USP13: variants seen among roughly 807,000 people sequenced by gnomAD.
The protein encoded by USP13 is ubiquitin specific peptidase 13.
A neutral mutation model predicts 107.8 loss-of-function variants in USP13; 68 were observed. That is an observed-to-expected ratio of 0.63 (90% CI 0.52 to 0.77). The LOEUF (loss-of-function observed/expected upper bound fraction) is 0.77. USP13 is among the 30% of genes least tolerant of loss of function. USP13 has a pLI of 0.00. For synonymous variants in USP13, 377 were observed against 389.5 expected (o/e 0.97, Z 0.38); for missense variants, 945 against 1,093.3 (o/e 0.86, Z 1.91).
At chr3:179,743,503 A>G (rs1714279732) in intron 12 of USP13, among the ~76,000 whole-genome samples, 1 of 151,872 alleles carries the variant, frequency 6.6e-6, no homozygotes, top group African/African-American at 2.4e-5. Context: ...AGTGATGATT[A>G]TGATGATTTA....
chr3:179,758,529 T>G (rs924342736), intron 16 of USP13, among the ~76,000 whole-genome samples: 2 of 151,914 alleles, frequency 1.3e-5, no homozygotes, highest in Non-Finnish European at 2.9e-5. Context: ...GACGGAGTCT[T>G]GCTCTATCAC....
intron 1 of USP13, among the ~76,000 whole-genome samples, chr3:179,669,157 CT>C (rs1182222830): frequency 6.6e-6 from 1 of 152,158 alleles, no homozygotes; most frequent in African/African-American, 2.4e-5. Flanking sequence ...GGCTAGTGCG[CT>C]CTATCCTAAA....
chr3:179,730,577 A>G (rs1381769260), intron 9 of USP13, 39 bp from the exon 10 acceptor site: 1 of 1,550,472 alleles, frequency 6.4e-7, no homozygotes, highest in Non-Finnish European at 8.9e-7. Flanking sequence ...TGGAAAAACA[A>G]CAATGACCTT....
intron 14 of USP13, among the ~76,000 whole-genome samples, chr3:179,754,281 A>G (rs1203202799): frequency 6.6e-6 from 1 of 152,226 alleles, no homozygotes. Flanking sequence ...ACATTGCACC[A>G]TTGTCTAGGG....
chr3:179,752,274 G>A lies in USP13; in HGVS notation c.1710-11G>A, dbSNP rs1419364997. On this transcript the variant is annotated splice_polypyrimidine_tract_variant and intron_variant, in intron 13 of 20. Transcript: ENST00000263966. ...CCTTGTTTCATTGATATATCCCCTTGTGTTTCCCAGAACATCTCGCTTTGC... is the reference window on the plus strand; with the variant it reads ...CCTTGTTTCATTGATATATCCCCTTATGTTTCCCAGAACATCTCGCTTTGC... 5.0e-6 allele frequency: 8 copies of A among 1,611,400 alleles called. No individual in the cohort carries two copies. Among genetic ancestry groups the A allele is most frequent in the Non-Finnish European group, 6.8e-6 (8 of 1,178,088 alleles).
intron 15 of USP13, among the ~76,000 whole-genome samples, 183 bp downstream of exon 15, chr3:179,755,037 A>G (rs919424746): frequency 6.6e-6 from 1 of 152,066 alleles, no homozygotes; most frequent in Admixed American, 6.5e-5. Flanking sequence ...AACATAAAAT[A>G]GACATTGTAA....
At chr3:179,764,301 A>G (rs1199270791) in intron 18 of USP13, 133 bp downstream of exon 18, 3 of 1,319,352 alleles carry the variant, frequency 2.3e-6, no homozygotes, top group Non-Finnish European at 2.9e-6. Flanking sequence ...GAATCTCATC[A>G]TAGCCCATAA....
chr3:179,699,975 T>C (rs1172359920), intron 3 of USP13, among the ~76,000 whole-genome samples: 3 of 152,020 alleles, frequency 2.0e-5, no homozygotes, highest in Non-Finnish European at 1.5e-5. Flanking sequence ...TGTGTGTTCA[T>C]GGGCCTGTTC....
intron 11 of USP13, among the ~76,000 whole-genome samples, chr3:179,740,641 T>A (rs1446354637): frequency 6.6e-6 from 1 of 152,214 alleles, no homozygotes; most frequent in Non-Finnish European, 1.5e-5. Flanking sequence ...AGTTATTCCA[T>A]TCACAATTTA....
At chr3:179,657,772 A>AAAAG (rs1318493011) in intron 1 of USP13, among the ~76,000 whole-genome samples, 1 of 149,914 alleles carries the variant, frequency 6.7e-6, no homozygotes, top group East Asian at 2.0e-4. Flanking sequence ...CAAAAAAAAA[A>AAAAG]AAAAAAAAAA....
chr3:179,707,099 G>C (rs1247384989), intron 5 of USP13, 23 bp downstream of exon 5: 5 of 1,607,134 alleles, frequency 3.1e-6, no homozygotes, highest in African/African-American at 2.7e-5. Flanking sequence ...TAGCAGAATG[G>C]AACTTTACTC....
intron 19 of USP13, among the ~76,000 whole-genome samples, chr3:179,770,900 C>G (rs550787253): frequency 6.6e-6 from 1 of 152,166 alleles, no homozygotes; most frequent in South Asian, 2.1e-4. Context: ...GCCACTGCAC[C>G]CAGCTGAGAA....
At chr3:179,673,160 A>G (rs1359884305) in intron 1 of USP13, among the ~76,000 whole-genome samples, 3 of 152,170 alleles carry the variant, frequency 2.0e-5, no homozygotes, top group African/African-American at 7.2e-5. Flanking sequence ...ATGCGTGGCC[A>G]TGAGTTTTAT....
At chr3:179,728,475 A>G (rs1228255675) in intron 8 of USP13, among the ~76,000 whole-genome samples, 21 of 148,228 alleles carry the variant, frequency 1.4e-4, no homozygotes, top group South Asian at 4.4e-4. Context: ...GCGGCCGGGC[A>G]GAGACGCTCC....
chr3:179,733,826 C>G (rs775403787), intron 10 of USP13, among the ~76,000 whole-genome samples: 3 of 152,186 alleles, frequency 2.0e-5, no homozygotes, highest in African/African-American at 7.2e-5. Context: ...TTCACTGATG[C>G]GGAAACGGAT....
intron 1 of USP13, among the ~76,000 whole-genome samples, chr3:179,657,751 G>A (rs1176521417): frequency 2.1e-5 from 2 of 94,954 alleles, no homozygotes; most frequent in Non-Finnish European, 3.8e-5. Context: ...TGACAGAGGG[G>A]AATTCCGTCT....
At chr3:179,773,633 CATTA>C (rs1194632803) in intron 19 of USP13, among the ~76,000 whole-genome samples, 34 of 152,164 alleles carry the variant, frequency 2.2e-4, no homozygotes, top group Non-Finnish European at 1.6e-4. Flanking sequence ...TTAAAAAACT[CATTA>C]ATTAATGAGA....
intron 19 of USP13, among the ~76,000 whole-genome samples, chr3:179,775,262 G>T (rs1005007754): frequency 1.3e-5 from 2 of 152,138 alleles, no homozygotes; most frequent in East Asian, 3.9e-4. Context: ...GTGCTGATTG[G>T]TGCATTTACA....
chr3:179,721,696 T>C lies in USP13; in HGVS notation c.1088+107T>C. The C allele has an allele frequency of 8.1e-7, 1 of 1,228,178 alleles. No homozygotes were observed. Among genetic ancestry groups the C allele is most frequent in the Non-Finnish European group, 1.1e-6 (1 of 896,252 alleles). 76.1% of individuals were successfully genotyped at this position (1,228,178 alleles called of 1,614,324 possible). A position where few individuals can be genotyped will look rare whatever the true frequency, so the allele number is the denominator to read the frequency against. On this transcript the variant is annotated intron_variant, in intron 8 of 20. Coordinates refer to ENST00000263966, the MANE Select transcript of USP13 (RefSeq NM_003940.3). The surrounding 1 kb of genome is among the most constrained non-coding windows in gnomAD (Gnocchi z 4.3). ...GCCCATCTTTATTGCTTCAGGACATTTTGCCACCTTTTCTCTGGCCTGCCT... is the reference window on the plus strand; with the variant it reads ...GCCCATCTTTATTGCTTCAGGACATCTTGCCACCTTTTCTCTGGCCTGCCT...
Sources: allele counts gnomAD v4.1 joint callset (sites outside exome capture counted in the v4.1 genomes callset), GRCh38; gene constraint gnomAD v4.1.1; non-coding constraint Gnocchi (gnomAD v3.1); transcripts MANE v1.5; gene names NCBI Gene and HGNC (gene_info 2026-07-23, HGNC 2026-07-21).